Variants in VWF observed in about 807,000 individuals in gnomAD.
VWF encodes the protein von Willebrand factor, also known as Factor VIII related antigen.
A neutral mutation model predicts 308.6 loss-of-function variants in VWF; 176 were observed. That is an observed-to-expected ratio of 0.57 (90% CI 0.50 to 0.65). The LOEUF (loss-of-function observed/expected upper bound fraction) is 0.65, where lower values mean the gene tolerates loss of function less well. Among genes scored for constraint, VWF ranks in the 30% least tolerant of loss-of-function variants. The probability of loss-of-function intolerance (pLI) is 0.00; values close to 1 mark genes in which losing one functional copy is unlikely to be tolerated. For synonymous variants in VWF, 1,385 were observed against 1,443.4 expected (o/e 0.96, Z 0.92); for missense variants, 3,146 against 3,648.2 (o/e 0.86, Z 3.55).
chr12:6,073,499 T>G (rs1021070988), intron 8 of VWF, 120 bp downstream of exon 8: 53 of 1,417,570 alleles, frequency 3.7e-5, no homozygotes, highest in Non-Finnish European at 4.8e-5. Context: ...TTTAAAAACT[T>G]AATAAAAGGC....
In VWF at chr12:6,058,549, G is replaced by A. The variant is rs184178220; in HGVS notation, c.1534-505C>T. ...TGGGCCCAGCAGGCTGCCAGGTGTGGTCCAAGCCCTCCGGGAGCTCACGGT... is the reference window on the plus strand; with the variant it reads ...TGGGCCCAGCAGGCTGCCAGGTGTGATCCAAGCCCTCCGGGAGCTCACGGT... On this transcript the variant is annotated intron_variant, in intron 13 of 51. Transcript: ENST00000261405. The surrounding 1 kb of genome is among the most constrained non-coding windows in gnomAD (Gnocchi z 4.9). Among the ~76,000 whole-genome samples, 18 of 152,278 alleles carry A rather than the reference G, an allele frequency of 1.2e-4. No individual in the cohort carries two copies. Among genetic ancestry groups the A allele is most frequent in the African/African-American group, 3.9e-4 (16 of 41,552 alleles).
At chr12:5,984,127 C>T (rs1444597631) in intron 40 of VWF, among the ~76,000 whole-genome samples, 1 of 152,202 alleles carries the variant, frequency 6.6e-6, no homozygotes, top group East Asian at 1.9e-4. Context: ...TCCTCTAGAC[C>T]TGTTTCTTCT....
At chr12:6,067,474 A>T (rs1336733461) in intron 10 of VWF, among the ~76,000 whole-genome samples, 1 of 152,234 alleles carries the variant, frequency 6.6e-6, no homozygotes, top group African/African-American at 2.4e-5. Flanking sequence ...TAATCGTCTC[A>T]TCTGATTTCC....
intron 37 of VWF, among the ~76,000 whole-genome samples, chr12:5,992,600 T>C (rs1341839072): frequency 6.6e-6 from 1 of 152,254 alleles, no homozygotes; most frequent in Non-Finnish European, 1.5e-5. Context: ...TAGTAGGTTT[T>C]GTTGTCCTTT....
At chr12:6,044,961 C>T (rs1944433310) in intron 17 of VWF, among the ~76,000 whole-genome samples, 1 of 152,208 alleles carries the variant, frequency 6.6e-6, no homozygotes, top group Admixed American at 6.5e-5. Flanking sequence ...ACCCGCAACA[C>T]TCCATCCCTG....
chr12:5,952,771 A>G (rs1055118401), intron 48 of VWF, among the ~76,000 whole-genome samples: 1 of 152,224 alleles, frequency 6.6e-6, no homozygotes, highest in African/African-American at 2.4e-5. Flanking sequence ...GGATTGAGAT[A>G]TAGCAACAGT....
chr12:6,034,737 T>C lies in VWF; in HGVS notation c.2636A>G (p.Asp879Gly). The C allele has an allele frequency of 6.2e-7, 1 of 1,614,068 alleles. No homozygotes were observed. The highest frequency in any genetic ancestry group is 8.5e-7 in the Non-Finnish European group (1 of 1,180,010). ...CCCGGGGAACAGGTATTTGAGCCCG[T>C]CGAAGGTGAGGTAGTGGGCCATGCC... ...TIGMAHYLTF[D>G]GLKYLFPGEC... is the part of the protein sequence containing the mutation. Residue 879 changes from aspartate (D) to glycine (G), a missense_variant, in exon 20 of 52, where the codon GAC becomes GGC. Physicochemically the swap from Asp to Gly is moderately conservative, Grantham distance 94. This residue lies in a region of VWF where 1,304 missense variants were observed against 1,353.0 expected (regional missense o/e 0.96). Coordinates refer to ENST00000261405, the MANE Select transcript of VWF (RefSeq NM_000552.5).
rs1461515581 is a variant in VWF at position 6,110,435 on chromosome 12, C to T, written c.471G>A (p.Lys157=). The T allele has an allele frequency of 3.7e-6, 6 of 1,614,180 alleles. No homozygotes were observed. Among genetic ancestry groups the T allele is most frequent in the Non-Finnish European group, 5.1e-6 (6 of 1,180,030 alleles). Residue 157 remains lysine (K), a synonymous_variant, in exon 5 of 52, where the codon AAG becomes AAA. Transcript: ENST00000261405. ...TAAAGTTGCCACACAGCCCGCAGGT[C>T]TTGTTGAAGTATCTGTCTGACAGCA... is the stretch of plus-strand genomic sequence containing the variant. The part of the protein sequence containing the change: ...QVLLSDRYFN[K]TCGLCGNFNI...
intron 31 of VWF, among the ~76,000 whole-genome samples, chr12:6,015,316 G>A (rs113811016): frequency 0.035 from 5,371 of 152,300 alleles, 297 homozygotes; most frequent in African/African-American, 0.12. Context: ...AATACGATTT[G>A]CACATTTTGA....
chr12:5,956,641 G>A lies in VWF; in HGVS notation c.7888-3047C>T, dbSNP rs201862995. ...TGGGTGACGAATGAGACCCTGTCTCGAAAAAAAAAAAAAAGAAGTTAAACA... is the reference window on the plus strand; with the variant it reads ...TGGGTGACGAATGAGACCCTGTCTCAAAAAAAAAAAAAAAGAAGTTAAACA... On this transcript the variant is annotated intron_variant, in intron 47 of 51. Transcript: ENST00000261405. Among the ~76,000 whole-genome samples the A allele has an allele frequency of 2.4e-3, 254 of 105,368 alleles. 6 individuals are homozygous for A. In the East Asian group the frequency reaches 0.046, roughly 19 times the overall value. 69.1% of individuals were successfully genotyped at this position (105,368 alleles called of 152,430 possible). A position where few individuals can be genotyped will look rare whatever the true frequency, so the allele number is the denominator to read the frequency against.
chr12:6,076,793 T>C (rs1157331801), intron 6 of VWF, among the ~76,000 whole-genome samples: 4 of 152,240 alleles, frequency 2.6e-5, no homozygotes, highest in Non-Finnish European at 4.4e-5. Flanking sequence ...AGCAAGCCTG[T>C]ATAAATCTAC....
rs386375484 is a variant in VWF, at chr12:6,094,879, A to ATTTT, written c.657+577_657+580dup. Among the ~76,000 whole-genome samples the ATTTT allele has an allele frequency of 1.7e-3, 176 of 104,916 alleles. 2 individuals carry two copies. The highest frequency in any genetic ancestry group is 2.3e-3 in the Non-Finnish European group (128 of 54,736). The allele number at this position is 104,916 out of a possible 152,430, so 68.8% of individuals were successfully genotyped here. ...AGGCACATGCCACCATGCCCAGCTA[A>ATTTT]TTTTTTTTTTTTTTTTTTTTTTGAG... On this transcript the variant is annotated intron_variant, in intron 6 of 51. Coordinates refer to ENST00000261405, the MANE Select transcript of VWF (RefSeq NM_000552.5).
rs150465993 is a variant in VWF at position 6,057,679 on chromosome 12, A to C, written c.1729+170T>G. On this transcript the variant is annotated intron_variant, in intron 14 of 51. Transcript: ENST00000261405. ...CCAATAAAGGGACTTTGAAGAGCAA[A>C]TGGCCCAGTTCAGATGATCAAGTGC... Among the ~76,000 whole-genome samples the C allele has an allele frequency of 1.4e-3, 212 of 150,202 alleles. 1 individual carries two copies. Among genetic ancestry groups the C allele is most frequent in the African/African-American group, 5.0e-3 (203 of 40,828 alleles).
intron 43 of VWF, 142 bp downstream of exon 43, chr12:5,975,969 T>C (rs1414046688): frequency 3.0e-5 from 37 of 1,230,210 alleles, no homozygotes; most frequent in South Asian, 8.1e-5. Flanking sequence ...TGAGCCGAGA[T>C]TGTGCCACTG....
Position 6,025,672 on chromosome 12 carries a change from C to T in VWF, c.3130G>A (p.Ala1044Thr). The T allele has an allele frequency of 6.4e-7, 1 of 1,552,316 alleles. No homozygotes were observed. Among genetic ancestry groups the T allele is most frequent in the African/African-American group, 1.4e-5 (1 of 73,362 alleles). The change falls in exon 24 of 52, where the codon GCC (alanine) becomes ACC (threonine). Residue 1044 changes from alanine (A) to threonine (T), a missense_variant. Physicochemically the swap from Ala to Thr is moderately conservative, Grantham distance 58 (BLOSUM62 0). Around this residue, in one of 3 missense-constraint regions of VWF, gnomAD observed 853 missense variants for 1,177.8 expected, o/e 0.72. Transcript: ENST00000261405. ...TRKVPLDSSP[A>T]TCHNNIMKQT... ...TTCATGATGTTGTTATGGCAGGTGG[C>T]AGGGGATGAGTCCAGAGGCACCTGG...
intron 35 of VWF, 72 bp from the exon 36 acceptor site, chr12:5,994,679 A>G (rs887712317): frequency 1.4e-6 from 2 of 1,396,928 alleles, no homozygotes; most frequent in Non-Finnish European, 2.0e-6. Flanking sequence ...GAAGTTACCG[A>G]GAGTTCCTGC....
At chr12:6,086,173 G>A (rs909869067) in intron 6 of VWF, among the ~76,000 whole-genome samples, 2 of 152,180 alleles carry the variant, frequency 1.3e-5, no homozygotes, top group Non-Finnish European at 2.9e-5. Context: ...TAACTTACAC[G>A]AGGACATGCA....
At chr12:6,077,757 C>T (rs1944862900) in intron 6 of VWF, among the ~76,000 whole-genome samples, 2 of 152,176 alleles carry the variant, frequency 1.3e-5, no homozygotes, top group African/African-American at 4.8e-5. Flanking sequence ...TGCAGCCTTC[C>T]ATTGGTCACC....
intron 6 of VWF, among the ~76,000 whole-genome samples, chr12:6,086,996 G>A (rs942513316): frequency 6.6e-6 from 1 of 152,192 alleles, no homozygotes; most frequent in Non-Finnish European, 1.5e-5. Context: ...GGCGGAAAGA[G>A]TTCTACAAGA....
Sources: gnomAD v4.1 joint callset for allele counts (sites outside exome capture counted in the v4.1 genomes callset) on GRCh38, gnomAD v4.1.1 for gene constraint, gnomAD v4.1.1 regional missense constraint, Gnocchi (gnomAD v3.1) non-coding constraint, MANE v1.5 for transcripts, NCBI Gene and HGNC (gene_info 2026-07-23, HGNC 2026-07-21) for gene names.